The following KIF26B variants were observed in gnomAD, a reference collection of about 807,000 sequenced individuals.
KIF26B encodes kinesin family member 26B, also known as kinesin-like protein KIF26B.
KIF26B carries 63 observed loss-of-function variants against 151.2 expected under a neutral mutation model. The observed-to-expected ratio is 0.42, with a 90% confidence interval of 0.34 to 0.51. The LOEUF is 0.51. KIF26B is among the 20% of genes least tolerant of loss of function. The pLI, the probability that KIF26B is intolerant of heterozygous loss-of-function variation, is 0.07. For synonymous variants in KIF26B, 1,357 were observed against 1,262.1 expected (o/e 1.08, Z -1.59); for missense variants, 2,813 against 2,913.6 (o/e 0.97, Z 0.79).
At chr1:245,372,678 C>T (rs775799306) in intron 3 of KIF26B, among the ~76,000 whole-genome samples, 15 of 152,168 alleles carry the variant, frequency 9.9e-5, no homozygotes, top group Non-Finnish European at 1.9e-4. Context: ...TTTTGAATGG[C>T]AGCTGCTTTT....
At chr1:245,299,696 C>T (rs1671397233) in intron 2 of KIF26B, among the ~76,000 whole-genome samples, 1 of 152,212 alleles carries the variant, frequency 6.6e-6, no homozygotes, top group Non-Finnish European at 1.5e-5. Context: ...TTGGTCAGAG[C>T]TGGATCTGGA....
intron 2 of KIF26B, among the ~76,000 whole-genome samples, chr1:245,309,312 C>G (rs1671620154): frequency 6.6e-6 from 1 of 152,140 alleles, no homozygotes; most frequent in Non-Finnish European, 1.5e-5. Context: ...GAACAAATAG[C>G]CCTCACTGGT....
At chr1:245,392,582 G>GA (rs1673726047) in intron 3 of KIF26B, among the ~76,000 whole-genome samples, 2 of 152,246 alleles carry the variant, frequency 1.3e-5, no homozygotes, top group South Asian at 4.1e-4. Flanking sequence ...TGTTGCTGTT[G>GA]AAAAGTCTGA....
In KIF26B at chr1:245,560,309, G is replaced by A. The variant is rs112761755; in HGVS notation, c.1350+19359G>A. Among the ~76,000 whole-genome samples, 296 of 152,224 alleles carry A rather than the reference G, an allele frequency of 1.9e-3. 2 individuals carry two copies. The East Asian group carries it at 0.032, about 17-fold the overall frequency. On this transcript the variant is annotated intron_variant, in intron 5 of 14. Coordinates refer to ENST00000407071, the MANE Select transcript of KIF26B (RefSeq NM_018012.4). This position sits in a 1 kb window ranked among gnomAD's most constrained non-coding sequence, Gnocchi z 4.3. ...CCAGATACCCTCCAGACATAGGTCC[G>A]GCCTCTCAGGAGTTTTCATTCTCCT...
chr1:245,165,158 C>T (rs1378837423), intron 2 of KIF26B, among the ~76,000 whole-genome samples: 1 of 151,560 alleles, frequency 6.6e-6, no homozygotes, highest in Non-Finnish European at 1.5e-5. Context: ...AGGCCCCTTG[C>T]AGTGGCTTGA....
chr1:245,349,747 A>T (rs1276391283), intron 2 of KIF26B, among the ~76,000 whole-genome samples: 1 of 152,292 alleles, frequency 6.6e-6, no homozygotes, highest in East Asian at 1.9e-4. Flanking sequence ...CTCTCCTTGT[A>T]AATAATAATG....
At position 245,564,658 on chromosome 1, in the gene KIF26B, G is replaced by A. The variant is rs576243233; in HGVS notation, c.1350+23708G>A. The stretch of plus-strand genomic sequence containing the variant: ...GCACAGCAAATGGCACAGACTCGAG[G>A]GAATGTTTTCCTTCCGGAACAACAT... On this transcript the variant is annotated intron_variant, in intron 5 of 14. Coordinates refer to ENST00000407071, the MANE Select transcript of KIF26B (RefSeq NM_018012.4). This position sits in a 1 kb window ranked among gnomAD's most constrained non-coding sequence, Gnocchi z 4.6. 6.6e-6 allele frequency among the ~76,000 whole-genome samples: 1 copy of A among 152,278 alleles called. No homozygotes were observed. Among genetic ancestry groups the A allele is most frequent in the South Asian group, 2.1e-4 (1 of 4,828 alleles).
At chr1:245,165,209 A>G (rs576822447) in intron 2 of KIF26B, among the ~76,000 whole-genome samples, 2 of 151,590 alleles carry the variant, frequency 1.3e-5, no homozygotes, top group East Asian at 3.9e-4. Context: ...GTACAGAGGG[A>G]AGGGAGAGGC....
chr1:245,302,904 G>C (rs562303753), intron 2 of KIF26B, among the ~76,000 whole-genome samples: 1 of 136,234 alleles, frequency 7.3e-6, no homozygotes, highest in Non-Finnish European at 1.5e-5. Context: ...CAGGAGAATC[G>C]CTTGAACCTT....
At position 245,156,651 on chromosome 1, in the gene KIF26B, A is replaced by C. The variant is rs940104132; in HGVS notation, c.433A>C (p.Arg145=). ...GGTGGAGCTCAAGAGGCAGGCCCTG[A>C]GGTTGCTCCTCCCGGGGCCCTTCCC... ...RLVELKRQAL[R]LLLPGPFPGK... is the part of the protein sequence containing the mutation. The change falls in exon 2 of 15, where the codon AGG becomes CGG. Residue 145 remains arginine, a synonymous_variant. Transcript: ENST00000407071. 1.3e-6 allele frequency: 2 copies of C among 1,514,930 alleles called. No homozygotes were observed. The highest frequency in any genetic ancestry group is 4.0e-5 in the Admixed American group (2 of 49,672). 93.8% of individuals were successfully genotyped at this position (1,514,930 alleles called of 1,614,324 possible). A position where few individuals can be genotyped will look rare whatever the true frequency, so the allele number is the denominator to read the frequency against.
At chr1:245,316,030 G>A (rs563074383) in intron 2 of KIF26B, among the ~76,000 whole-genome samples, 2 of 152,318 alleles carry the variant, frequency 1.3e-5, no homozygotes, top group East Asian at 3.9e-4. Context: ...ACAGTAAAGT[G>A]TGGGCCTAAC....
chr1:245,405,674 C>A (rs577747388), intron 3 of KIF26B, among the ~76,000 whole-genome samples: 2 of 150,794 alleles, frequency 1.3e-5, no homozygotes, highest in Admixed American at 1.3e-4. Flanking sequence ...CGGGCTGTGG[C>A]GTGAACTAGG....
chr1:245,208,698 G>T (rs1223076864), intron 2 of KIF26B, among the ~76,000 whole-genome samples: 1 of 152,174 alleles, frequency 6.6e-6, no homozygotes, highest in Non-Finnish European at 1.5e-5. Context: ...GATTTTTAGT[G>T]TGCGCAGCCA....
rs2044805850 is a variant in KIF26B at position 245,703,806 on chromosome 1, G to A, written c.*1200G>A. On this transcript the variant is annotated 3_prime_UTR_variant, in exon 15 of 15. Transcript: ENST00000407071. ...GACTGTACATCTTGTCTGTTGTCCA[G>A]AGTACAAGGATTTCAGCTCTCCTGT... 6.6e-6 allele frequency: 1 copy of A among 152,212 alleles called. No individual in the cohort carries two copies. Among genetic ancestry groups the A allele is most frequent in the Admixed American group, 6.5e-5 (1 of 15,280 alleles). 9.4% of individuals were successfully genotyped at this position (152,212 alleles called of 1,614,324 possible). A position where few individuals can be genotyped will look rare whatever the true frequency, so the allele number is the denominator to read the frequency against.
chr1:245,286,029 GAAAAGA>G (rs1310471106), intron 2 of KIF26B, among the ~76,000 whole-genome samples: 1 of 146,014 alleles, frequency 6.8e-6, no homozygotes, highest in Non-Finnish European at 1.5e-5. Context: ...AAAGAAAAAA[GAAAAGA>G]AAAAGAACAT....
chr1:245,689,439 TCCACCC>T (rs1401422494), intron 12 of KIF26B, among the ~76,000 whole-genome samples: 1 of 152,184 alleles, frequency 6.6e-6, no homozygotes, highest in African/African-American at 2.4e-5. Context: ...TTCCTCCACC[TCCACCC>T]CAAACATATT....
chr1:245,688,159 A>G lies in KIF26B; in HGVS notation c.5176A>G (p.Lys1726Glu), dbSNP rs768036021. Residue 1726 changes from lysine to glutamate, a missense_variant, in exon 12 of 15, where the codon AAG becomes GAG. Physicochemically the swap from Lys to Glu is moderately conservative, Grantham distance 56. Around this residue, in one of 3 missense-constraint regions of KIF26B, gnomAD observed 2,060 missense variants for 2,088.6 expected, o/e 0.99. Transcript: ENST00000407071. ...GCCCCCCAGCTCCGGGGCCTCGCCC[A>G]AGGCCGGCCAGTCCAAGATCTCCGC... The part of the protein sequence containing the change: ...TSPPSSGASP[K>E]AGQSKISAVS... The G allele has an allele frequency of 1.3e-6, 2 of 1,596,180 alleles. No individual in the cohort carries two copies. Among genetic ancestry groups the G allele is most frequent in the African/African-American group, 2.7e-5 (2 of 74,424 alleles).
intron 2 of KIF26B, among the ~76,000 whole-genome samples, chr1:245,199,560 C>T (rs1394411947): frequency 1.3e-5 from 2 of 151,526 alleles, no homozygotes; most frequent in Non-Finnish European, 2.9e-5. Flanking sequence ...CTCACTGCAA[C>T]CTCCGCCTCC....
chr1:245,410,860 A>G (rs1356096684), intron 3 of KIF26B, among the ~76,000 whole-genome samples: 1 of 152,112 alleles, frequency 6.6e-6, no homozygotes, highest in Non-Finnish European at 1.5e-5. Context: ...ACCACCATCT[A>G]CCACCAAAAG....
Sources: allele counts gnomAD v4.1 joint callset (sites outside exome capture counted in the v4.1 genomes callset), GRCh38; gene constraint gnomAD v4.1.1; regional missense constraint gnomAD v4.1.1; non-coding constraint Gnocchi (gnomAD v3.1); transcripts MANE v1.5; gene names NCBI Gene and HGNC (gene_info 2026-07-23, HGNC 2026-07-21).